Variants in LRRTM4 observed in about 807,000 individuals in gnomAD.
LRRTM4 encodes leucine-rich repeat transmembrane neuronal protein 4.
Under a neutral mutation model 47.6 loss-of-function variants are expected in LRRTM4, and 25 were observed. That is an observed-to-expected ratio of 0.53 (90% CI 0.38 to 0.73). The LOEUF (loss-of-function observed/expected upper bound fraction) is 0.73, where lower values mean the gene tolerates loss of function less well. Ranked by LOEUF, LRRTM4 falls within the 30% of genes least tolerant of loss-of-function variation. The pLI is 0.00. For synonymous variants in LRRTM4, 311 were observed against 269.5 expected (o/e 1.15, Z -1.51); for missense variants, 638 against 713.4 (o/e 0.89, Z 1.20).
chr2:77,196,088 A>G (rs936665286), intron 3 of LRRTM4, among the ~76,000 whole-genome samples: 2 of 152,226 alleles, frequency 1.3e-5, no homozygotes, highest in African/African-American at 4.8e-5. Context: ...ATTTATTAGT[A>G]CATTAGAAAT....
At chr2:77,154,575 A>G (rs985562132) in intron 3 of LRRTM4, among the ~76,000 whole-genome samples, 1 of 152,190 alleles carries the variant, frequency 6.6e-6, no homozygotes, top group African/African-American at 2.4e-5. Context: ...CAAAATGAAT[A>G]AAAAGCAATA....
At position 77,440,729 on chromosome 2, in the gene LRRTM4, T is replaced by C. The variant is rs1302346184; in HGVS notation, c.1551+77589A>G. Among the ~76,000 whole-genome samples, 7 of 152,208 alleles carry C rather than the reference T, an allele frequency of 4.6e-5. No individual in the cohort carries two copies. The East Asian group carries it at 9.6e-4, about 21-fold the overall frequency. ...GATACTGACGGTGTTTTGTATTACATATTATTTTCAAAACATCAAACTGTG... is the reference window on the plus strand; with the variant it reads ...GATACTGACGGTGTTTTGTATTACACATTATTTTCAAAACATCAAACTGTG... On this transcript the variant is annotated intron_variant, in intron 3 of 3. Coordinates refer to ENST00000409884, the MANE Select transcript of LRRTM4 (RefSeq NM_001134745.3).
chr2:77,384,666 G>A (rs2103799972), intron 3 of LRRTM4, among the ~76,000 whole-genome samples: 1 of 152,058 alleles, frequency 6.6e-6, no homozygotes, highest in East Asian at 1.9e-4. Context: ...AGAAAAGATA[G>A]AACCCAAATT....
chr2:77,227,352 G>A (rs1390575030), intron 3 of LRRTM4, among the ~76,000 whole-genome samples: 1 of 152,058 alleles, frequency 6.6e-6, no homozygotes, highest in South Asian at 2.1e-4. Flanking sequence ...AGCATATTTT[G>A]AAAGTTTAAA....
chr2:77,008,108 G>C (rs1677727513), intron 3 of LRRTM4, among the ~76,000 whole-genome samples: 2 of 152,156 alleles, frequency 1.3e-5, no homozygotes, highest in Middle Eastern at 3.2e-3. Flanking sequence ...TGTTTGGCCA[G>C]AGGCATCAAT....
chr2:76,828,751 A>G (rs1254849608), intron 3 of LRRTM4, among the ~76,000 whole-genome samples: 2 of 151,886 alleles, frequency 1.3e-5, no homozygotes, highest in African/African-American at 2.4e-5. Context: ...AAACAGATTC[A>G]TCTTCTGTCT....
chr2:77,113,529 T>G (rs750076391), intron 3 of LRRTM4, among the ~76,000 whole-genome samples: 27 of 152,124 alleles, frequency 1.8e-4, no homozygotes, highest in Non-Finnish European at 3.2e-4. Context: ...CATTGAAGTT[T>G]CAAGAGTAGG....
At chr2:76,906,527 C>T (rs1673846471) in intron 3 of LRRTM4, among the ~76,000 whole-genome samples, 1 of 152,026 alleles carries the variant, frequency 6.6e-6, no homozygotes, top group Non-Finnish European at 1.5e-5. Context: ...GGACTAAATG[C>T]TCCAATCAAA....
At chr2:77,485,536 G>C (rs1297668552) in intron 3 of LRRTM4, among the ~76,000 whole-genome samples, 1 of 152,130 alleles carries the variant, frequency 6.6e-6, no homozygotes, top group Non-Finnish European at 1.5e-5. Context: ...CCAGAGAAAA[G>C]GCTTTAGATA....
intron 3 of LRRTM4, among the ~76,000 whole-genome samples, chr2:77,385,171 A>C (rs904291897): frequency 3.3e-5 from 5 of 152,182 alleles, no homozygotes; most frequent in African/African-American, 1.2e-4. Context: ...TGCCCCTGAG[A>C]AACAAATCAC....
intron 3 of LRRTM4, among the ~76,000 whole-genome samples, chr2:77,085,765 G>C (rs1001245727): frequency 7.2e-5 from 11 of 152,078 alleles, no homozygotes; most frequent in African/African-American, 2.7e-4. Flanking sequence ...ATCATCTAAT[G>C]ATTTTCTGTT....
At chr2:76,871,289 G>C (rs1000262558) in intron 3 of LRRTM4, among the ~76,000 whole-genome samples, 1 of 152,084 alleles carries the variant, frequency 6.6e-6, no homozygotes, top group Non-Finnish European at 1.5e-5. Flanking sequence ...AGTATTAGAA[G>C]ATTTCTAGTT....
intron 3 of LRRTM4, among the ~76,000 whole-genome samples, chr2:77,339,120 G>T (rs529839133): frequency 6.6e-6 from 1 of 151,248 alleles, no homozygotes; most frequent in East Asian, 1.9e-4. Context: ...GGGGAACAAG[G>T]GTTAAAAAAA....
chr2:77,346,020 A>G (rs1671547584), intron 3 of LRRTM4, among the ~76,000 whole-genome samples: 3 of 151,994 alleles, frequency 2.0e-5, no homozygotes, highest in Non-Finnish European at 4.4e-5. Flanking sequence ...AATACTACTT[A>G]TAAAAAAAAG....
At chr2:77,171,810 T>A (rs746427453) in intron 3 of LRRTM4, among the ~76,000 whole-genome samples, 1 of 152,114 alleles carries the variant, frequency 6.6e-6, no homozygotes, top group Non-Finnish European at 1.5e-5. Flanking sequence ...ATGAAAGGCA[T>A]TGCTCTTTAT....
intron 3 of LRRTM4, among the ~76,000 whole-genome samples, chr2:76,925,276 G>T (rs750150657): frequency 1.6e-4 from 24 of 152,090 alleles, no homozygotes; most frequent in Admixed American, 6.6e-4. Context: ...GAACTGCCCA[G>T]GGAGCGGGTT....
chr2:77,487,871 G>A (rs776515143), intron 3 of LRRTM4, among the ~76,000 whole-genome samples: 3 of 152,128 alleles, frequency 2.0e-5, no homozygotes, highest in Non-Finnish European at 4.4e-5. Flanking sequence ...AAACCTGCCT[G>A]CAAAGAGGAC....
At position 77,052,704 on chromosome 2, in the gene LRRTM4, G is replaced by A. The variant is rs1038924987; in HGVS notation, c.1552-303788C>T. On this transcript the variant is annotated intron_variant, in intron 3 of 3. Transcript: ENST00000409884. ...TTTTCTTCTCTATTATTACAAGAACGTGTTTGTGTGCGTAGGGGTGTGTGT... is the reference window on the plus strand; with the variant it reads ...TTTTCTTCTCTATTATTACAAGAACATGTTTGTGTGCGTAGGGGTGTGTGT... Among the ~76,000 whole-genome samples, 6 of 149,384 alleles carry A rather than the reference G, an allele frequency of 4.0e-5. No homozygotes were observed. The East Asian group carries it at 7.9e-4, about 20-fold the overall frequency.
At chr2:76,874,908 T>C (rs1672735859) in intron 3 of LRRTM4, among the ~76,000 whole-genome samples, 1 of 151,374 alleles carries the variant, frequency 6.6e-6, no homozygotes, top group African/African-American at 2.5e-5. Context: ...TTGAATATTC[T>C]GTTCATGTAT....
Sources: gnomAD v4.1 joint callset for allele counts (sites outside exome capture counted in the v4.1 genomes callset) on GRCh38, gnomAD v4.1.1 for gene constraint, MANE v1.5 for transcripts, NCBI Gene and HGNC (gene_info 2026-07-23, HGNC 2026-07-21) for gene names.